The following NBAS variants were observed in gnomAD, a reference collection of about 807,000 sequenced individuals.
NBAS encodes the protein NAG/BC035112 fusion.
Under a neutral mutation model 302.5 loss-of-function variants are expected in NBAS, and 219 were observed. The ratio of observed to expected loss-of-function variants is 0.72; its 90% CI spans 0.65 to 0.81. NBAS has a LOEUF of 0.81. Among genes scored for constraint, NBAS ranks in the 30% least tolerant of loss-of-function variants. NBAS has a pLI of 0.00. For synonymous variants in NBAS, 1,118 were observed against 1,021.6 expected (o/e 1.09, Z -1.80); for missense variants, 2,932 against 2,841.6 (o/e 1.03, Z -0.72).
chr2:14,847,947 G>T, the NBAS span, among the ~76,000 whole-genome samples: 7 of 152,244 alleles, frequency 4.6e-5, no homozygotes, highest in South Asian at 1.2e-3. Flanking sequence ...GACCACAATG[G>T]AATACAACTA....
At chr2:15,470,501 G>C (rs112030722) in intron 16 of NBAS, among the ~76,000 whole-genome samples, 3,876 of 152,254 alleles carry the variant, frequency 0.025, 176 homozygotes, top group African/African-American at 0.089. Flanking sequence ...CACTGAACTA[G>C]ACATGGAAAT....
chr2:15,026,783 T>C, the NBAS span, among the ~76,000 whole-genome samples: 1 of 152,188 alleles, frequency 6.6e-6, no homozygotes, highest in Non-Finnish European at 1.5e-5. Flanking sequence ...ATTTAACTCT[T>C]TAATTTATCT....
At chr2:15,313,614 A>G (rs1452159486) in intron 38 of NBAS, among the ~76,000 whole-genome samples, 2 of 152,360 alleles carry the variant, frequency 1.3e-5, no homozygotes, top group East Asian at 3.9e-4. Context: ...AAGTGGAGCT[A>G]CTGGGTCAAA....
At chr2:15,026,757 T>C in the NBAS span, among the ~76,000 whole-genome samples, 2 of 152,166 alleles carry the variant, frequency 1.3e-5, no homozygotes, top group African/African-American at 2.4e-5. Flanking sequence ...ACATGCAGTT[T>C]TCTAGATTTT....
intron 38 of NBAS, among the ~76,000 whole-genome samples, chr2:15,315,721 A>G (rs1256120572): frequency 6.6e-6 from 1 of 152,182 alleles, no homozygotes; most frequent in Non-Finnish European, 1.5e-5. Flanking sequence ...AATCCCTAAC[A>G]CAATTGTTGT....
chr2:15,442,962 G>C lies in NBAS; in HGVS notation c.2340-15168C>G, dbSNP rs530399888. Among the ~76,000 whole-genome samples, 15 of 152,236 alleles carry C rather than the reference G, an allele frequency of 9.9e-5. No homozygotes were observed. In the East Asian group the frequency reaches 2.9e-3, roughly 29 times the overall value. ...CCCAACACTAAACCAGGAAGAAGTCGAATCTCTGAATAGACCAATAACAGG... is the reference window on the plus strand; with the variant it reads ...CCCAACACTAAACCAGGAAGAAGTCCAATCTCTGAATAGACCAATAACAGG... On this transcript the variant is annotated intron_variant, in intron 21 of 51. Transcript: ENST00000281513.
intron 42 of NBAS, among the ~76,000 whole-genome samples, chr2:15,278,105 GTTTAC>G (rs1669668532): frequency 6.6e-6 from 1 of 152,104 alleles, no homozygotes; most frequent in African/African-American, 2.4e-5. Flanking sequence ...ATGACAACTT[GTTTAC>G]TGAAAGTGCC....
chr2:15,505,243 CAG>C (rs1311132028), intron 10 of NBAS, among the ~76,000 whole-genome samples: 1 of 152,134 alleles, frequency 6.6e-6, no homozygotes, highest in Non-Finnish European at 1.5e-5. Context: ...CCAGGGAGGA[CAG>C]AGGGGAGCTA....
chr2:15,097,940 T>TTATATTGTATATAATATATAG, the NBAS span, among the ~76,000 whole-genome samples: 4 of 111,778 alleles, frequency 3.6e-5, no homozygotes, highest in Non-Finnish European at 7.0e-5. Context: ...ATTACATATA[T>TTATATTGTATATAATATATAG]ATTATATTGT....
At chr2:14,781,567 C>T in the NBAS span, among the ~76,000 whole-genome samples, 1 of 151,938 alleles carries the variant, frequency 6.6e-6, no homozygotes, top group Non-Finnish European at 1.5e-5. Flanking sequence ...AAAGGCAAGG[C>T]TGCAGCAGCC....
At chr2:15,093,364 C>T in the NBAS span, among the ~76,000 whole-genome samples, 2 of 151,886 alleles carry the variant, frequency 1.3e-5, no homozygotes, top group African/African-American at 2.4e-5. Context: ...TGCAGTGAGC[C>T]GAGATCATGC....
chr2:15,113,655 G>C, the NBAS span, among the ~76,000 whole-genome samples: 4 of 152,022 alleles, frequency 2.6e-5, no homozygotes, highest in African/African-American at 4.8e-5. Context: ...AAATCCGTAA[G>C]TTTACCCTGA....
chr2:14,895,574 TA>T, the NBAS span, among the ~76,000 whole-genome samples: 3 of 151,964 alleles, frequency 2.0e-5, no homozygotes, highest in Non-Finnish European at 4.4e-5. Flanking sequence ...CCATCTCCAC[TA>T]AAAATACAAA....
Position 15,444,178 on chromosome 2 carries a change from A to C in NBAS, c.2340-16384T>G, listed in dbSNP as rs572419103. 1.6e-3 allele frequency among the ~76,000 whole-genome samples: 247 copies of C among 152,082 alleles called. 1 individual carries two copies. The highest frequency in any genetic ancestry group is 4.3e-3 in the Admixed American group (66 of 15,268). ...CTTTAAAGTTCATATGGAACCAAAA[A>C]AGAGCCTGCAACACCAAGTCAATCT... is the stretch of plus-strand genomic sequence containing the variant. On this transcript the variant is annotated intron_variant, in intron 21 of 51. Coordinates refer to ENST00000281513, the MANE Select transcript of NBAS (RefSeq NM_015909.4).
intron 28 of NBAS, among the ~76,000 whole-genome samples, chr2:15,392,250 C>CA (rs555108809): frequency 4.0e-4 from 57 of 142,176 alleles, no homozygotes; most frequent in East Asian, 3.7e-3. Context: ...TATATGACAA[C>CA]AAAAAAAAAA....
the NBAS span, among the ~76,000 whole-genome samples, chr2:15,065,112 A>C: frequency 6.6e-6 from 1 of 152,188 alleles, no homozygotes; most frequent in Non-Finnish European, 1.5e-5. Flanking sequence ...AAAATTATGT[A>C]AGATATGTTA....
chr2:15,011,644 T>C, the NBAS span, among the ~76,000 whole-genome samples: 1 of 152,066 alleles, frequency 6.6e-6, no homozygotes, highest in East Asian at 1.9e-4. Context: ...AAGAGCCCCA[T>C]GGCCCCAACC....
intron 15 of NBAS, among the ~76,000 whole-genome samples, chr2:15,473,590 C>G (rs1184860970): frequency 6.6e-6 from 1 of 152,152 alleles, no homozygotes; most frequent in Non-Finnish European, 1.5e-5. Flanking sequence ...AGTAAAACAG[C>G]GGCAAAACCA....
At chr2:14,839,785 C>G in the NBAS span, among the ~76,000 whole-genome samples, 1 of 151,880 alleles carries the variant, frequency 6.6e-6, no homozygotes, top group South Asian at 2.1e-4. Flanking sequence ...CAAAGAGTCT[C>G]TAAGCAAACA....
Sources: allele counts gnomAD v4.1 joint callset (sites outside exome capture counted in the v4.1 genomes callset), GRCh38; gene constraint gnomAD v4.1.1; transcripts MANE v1.5; gene names NCBI Gene and HGNC (gene_info 2026-07-23, HGNC 2026-07-21).